SLC9A9: variants seen among roughly 807,000 people sequenced by gnomAD.
SLC9A9 encodes solute carrier family 9 member A9.
In SLC9A9, 62 loss-of-function variants were observed where a neutral mutation model predicts 77.8. The observed-to-expected ratio is 0.80, with a 90% confidence interval of 0.65 to 0.98. The LOEUF is 0.98. Among genes scored for constraint, SLC9A9 ranks in the 50% least tolerant of loss-of-function variants. The probability of loss-of-function intolerance (pLI) is 0.00; values close to 1 mark genes in which losing one functional copy is unlikely to be tolerated. For synonymous variants in SLC9A9, 320 were observed against 283.5 expected (o/e 1.13, Z -1.29); for missense variants, 775 against 774.9 (o/e 1.00, Z 0.00).
intron 6 of SLC9A9, among the ~76,000 whole-genome samples, chr3:143,635,637 T>C (rs1327753468): frequency 6.6e-6 from 1 of 152,222 alleles, no homozygotes; most frequent in Non-Finnish European, 1.5e-5. Flanking sequence ...GAAACCAGAA[T>C]GTGTCAGCAT....
rs181851680 is a variant in SLC9A9, at chr3:143,763,538, C to T, written c.533+31463G>A. Among the ~76,000 whole-genome samples the T allele has an allele frequency of 2.2e-4, 33 of 152,218 alleles. 1 individual carries two copies. Among genetic ancestry groups the T allele is most frequent in the Non-Finnish European group, 3.7e-4 (25 of 68,004 alleles). ...AATAAAATACCATCATGGATTTGTA[C>T]ACTCCTGGTTTCTGGTATCAATTCA... On this transcript the variant is annotated intron_variant, in intron 4 of 15. Transcript: ENST00000316549.
chr3:143,828,955 G>T (rs766598338), intron 2 of SLC9A9, among the ~76,000 whole-genome samples: 9 of 152,088 alleles, frequency 5.9e-5, no homozygotes, highest in Non-Finnish European at 1.0e-4. Context: ...CAAAACCCTT[G>T]ATACTCCCTA....
At chr3:143,597,484 G>C (rs534687100) in intron 6 of SLC9A9, among the ~76,000 whole-genome samples, 1 of 152,214 alleles carries the variant, frequency 6.6e-6, no homozygotes, top group Non-Finnish European at 1.5e-5. Context: ...CCTTGCGTGG[G>C]GGTGGCCAAT....
chr3:143,422,402 A>G, intron 12 of SLC9A9, among the ~76,000 whole-genome samples: 1 of 152,234 alleles, frequency 6.6e-6, no homozygotes, highest in Non-Finnish European at 1.5e-5. Context: ...TATACACTAT[A>G]GAATATTATG....
At chr3:143,558,555 A>G (rs2037027261) in intron 8 of SLC9A9, among the ~76,000 whole-genome samples, 1 of 152,104 alleles carries the variant, frequency 6.6e-6, no homozygotes, top group African/African-American at 2.4e-5. Context: ...GTCAAAGGAG[A>G]TCATTTTGGA....
chr3:143,520,941 T>C (rs540928254), intron 9 of SLC9A9, among the ~76,000 whole-genome samples: 2 of 152,354 alleles, frequency 1.3e-5, no homozygotes, highest in African/African-American at 4.8e-5. Context: ...GCTTATCTCC[T>C]ATGGAACTGA....
chr3:143,315,465 C>T (rs1340685667), intron 14 of SLC9A9, among the ~76,000 whole-genome samples: 1 of 152,180 alleles, frequency 6.6e-6, no homozygotes, highest in Non-Finnish European at 1.5e-5. Context: ...GTGGCATGAC[C>T]AAACAAAACT....
intron 2 of SLC9A9, among the ~76,000 whole-genome samples, chr3:143,810,406 G>C (rs2008832610): frequency 6.6e-6 from 1 of 152,190 alleles, no homozygotes; most frequent in South Asian, 2.1e-4. Context: ...GAGGGATTGT[G>C]ATTTATGTAG....
chr3:143,418,593 AGTGT>A (rs2034241404), intron 12 of SLC9A9, among the ~76,000 whole-genome samples: 1 of 152,168 alleles, frequency 6.6e-6, no homozygotes, highest in South Asian at 2.1e-4. Context: ...TTCTTAAGTC[AGTGT>A]GAAACAAAGT....
intron 5 of SLC9A9, among the ~76,000 whole-genome samples, chr3:143,657,831 ATTTGT>A (rs2038916465): frequency 6.6e-6 from 1 of 152,160 alleles, no homozygotes; most frequent in South Asian, 2.1e-4. Context: ...ATGTTTTAGA[ATTTGT>A]TTTAATTTCT....
At chr3:143,495,520 G>A in intron 9 of SLC9A9, 72 bp from the exon 10 acceptor site, 3 of 1,142,482 alleles carry the variant, frequency 2.6e-6, no homozygotes, top group East Asian at 2.4e-5. Flanking sequence ...TCTGGTAACT[G>A]TATTTGACAA....
At chr3:143,779,459 C>A (rs1560075617) in intron 4 of SLC9A9, among the ~76,000 whole-genome samples, 1 of 152,140 alleles carries the variant, frequency 6.6e-6, no homozygotes, top group Non-Finnish European at 1.5e-5. Context: ...GCAACCTCCT[C>A]CTCCTGGGTT....
chr3:143,539,042 T>C (rs1255219556), intron 9 of SLC9A9, among the ~76,000 whole-genome samples: 1 of 144,610 alleles, frequency 6.9e-6, no homozygotes, highest in Non-Finnish European at 1.5e-5. Flanking sequence ...AAAGCAGAGA[T>C]TTTTTTTTTA....
chr3:143,416,855 G>A (rs77528627), intron 12 of SLC9A9, among the ~76,000 whole-genome samples: 5,977 of 152,076 alleles, frequency 0.039, 413 homozygotes, highest in African/African-American at 0.14. Context: ...ACATGCATTC[G>A]CACGTATATA....
At chr3:143,467,755 G>C (rs534763555) in intron 11 of SLC9A9, among the ~76,000 whole-genome samples, 1 of 150,612 alleles carries the variant, frequency 6.6e-6, no homozygotes, top group Admixed American at 6.6e-5. Flanking sequence ...GAGAGAGAGA[G>C]AGACAGAAAC....
chr3:143,518,132 T>A lies in SLC9A9; in HGVS notation c.1090-22684A>T, dbSNP rs1289374188. On this transcript the variant is annotated intron_variant, in intron 9 of 15. Transcript: ENST00000316549. ...TTTACCTCCCATGCTCTCCACCCAC[T>A]CCCTCAGGAAGCGCATTTCCTCGGT... 14 of 1,600,266 alleles carry A rather than the reference T, an allele frequency of 8.7e-6. No individual in the cohort carries two copies. The East Asian group carries it at 2.7e-4, about 31-fold the overall frequency.
At chr3:143,581,514 T>C (rs893904210) in intron 6 of SLC9A9, among the ~76,000 whole-genome samples, 6 of 151,984 alleles carry the variant, frequency 3.9e-5, no homozygotes, top group African/African-American at 1.2e-4. Flanking sequence ...CTCCCTCCCT[T>C]CCTTCCTTCT....
intron 6 of SLC9A9, among the ~76,000 whole-genome samples, chr3:143,597,306 A>T (rs762716013): frequency 6.6e-6 from 1 of 152,172 alleles, no homozygotes; most frequent in South Asian, 2.1e-4. Context: ...GCTCGGCTCA[A>T]CACGGCTTGA....
intron 14 of SLC9A9, among the ~76,000 whole-genome samples, chr3:143,361,017 T>C (rs1263453238): frequency 6.6e-6 from 1 of 152,244 alleles, no homozygotes; most frequent in Non-Finnish European, 1.5e-5. Flanking sequence ...GAAAGAATTC[T>C]GCCTAAGGAC....
Sources: gnomAD v4.1 joint callset for allele counts (sites outside exome capture counted in the v4.1 genomes callset) on GRCh38, gnomAD v4.1.1 for gene constraint, MANE v1.5 for transcripts, NCBI Gene and HGNC (gene_info 2026-07-23, HGNC 2026-07-21) for gene names.